The following ERICH1 variants were observed in gnomAD, a reference collection of about 807,000 sequenced individuals.
ERICH1 encodes the protein glutamate rich 1, also known as glutamate-rich protein 1.
A neutral mutation model predicts 39.6 loss-of-function variants in ERICH1; 56 were observed. The observed-to-expected ratio is 1.41, with a 90% CI of 1.14 to 1.77. The LOEUF (loss-of-function observed/expected upper bound fraction) is 1.77. Ranked by LOEUF, ERICH1 falls within the 40% of genes most tolerant of loss-of-function variation. The pLI is 0.00. For synonymous variants in ERICH1, 313 were observed against 223.6 expected (o/e 1.40, Z -3.57); for missense variants, 826 against 575.4 (o/e 1.44, Z -4.45).
chr8:731,196 G>A lies in ERICH1; in HGVS notation c.-35C>T. 3 of 1,469,492 alleles carry A rather than the reference G, an allele frequency of 2.0e-6. No individual in the cohort carries two copies. Among genetic ancestry groups the A allele is most frequent in the Non-Finnish European group, 2.7e-6 (3 of 1,112,856 alleles). The allele number at this position is 1,469,492 out of a possible 1,614,324, so 91.0% of individuals were successfully genotyped here. A position where few individuals can be genotyped will look rare whatever the true frequency, so the allele number is the denominator to read the frequency against. Reference sequence around the variant, plus strand: ...TGCCGCGGACCTCAGACCACGGCGCGCGGTCCTGAGCTGAGCGCCGTGCCT... The same window carrying A: ...TGCCGCGGACCTCAGACCACGGCGCACGGTCCTGAGCTGAGCGCCGTGCCT... On this transcript the variant is annotated 5_prime_UTR_variant, in exon 1 of 6. Coordinates refer to ENST00000262109, the MANE Select transcript of ERICH1 (RefSeq NM_207332.3).
intron 3 of ERICH1, chr8:615,488 T>C: frequency 2.2e-6 from 1 of 459,204 alleles, no homozygotes; most frequent in Non-Finnish European, 3.8e-6. Context: ...CTACGAGGCC[T>C]GGGTGCACTG....
At chr8:694,321 T>C (rs1401703620) in intron 2 of ERICH1, among the ~76,000 whole-genome samples, 1 of 152,268 alleles carries the variant, frequency 6.6e-6, no homozygotes, top group Non-Finnish European at 1.5e-5. Flanking sequence ...AAGTACACTG[T>C]CCCCTACTGG....
At chr8:668,409 G>A (rs879468568) in intron 5 of ERICH1, 189 bp downstream of exon 5, 1 of 630,738 alleles carries the variant, frequency 1.6e-6, no homozygotes, top group Non-Finnish European at 2.8e-6. Context: ...CATATATTAT[G>A]TGAAATATTT....
intron 3 of ERICH1, among the ~76,000 whole-genome samples, chr8:636,904 C>G (rs1417010988): frequency 6.6e-6 from 1 of 152,214 alleles, no homozygotes; most frequent in Non-Finnish European, 1.5e-5. Flanking sequence ...CCACTTTCTG[C>G]AGGGTCGGAG....
intron 3 of ERICH1, among the ~76,000 whole-genome samples, chr8:625,313 T>C (rs116696973): frequency 0.014 from 2,186 of 152,318 alleles, 39 homozygotes; most frequent in African/African-American, 0.05. Context: ...AGCAGTGGTT[T>C]ATGCTGCAGC....
chr8:694,902 G>A (rs1171831184), intron 2 of ERICH1, among the ~76,000 whole-genome samples: 13 of 152,256 alleles, frequency 8.5e-5, no homozygotes, highest in East Asian at 1.9e-4. Context: ...AGAATGCAGC[G>A]TCTGTGAGCA....
chr8:623,922 CT>C (rs942711983), intron 3 of ERICH1, among the ~76,000 whole-genome samples: 6 of 152,096 alleles, frequency 3.9e-5, no homozygotes, highest in African/African-American at 1.4e-4. Context: ...AAAATTAAAA[CT>C]TTTTTGTTGC....
chr8:702,665 G>C (rs1330146049), intron 2 of ERICH1, among the ~76,000 whole-genome samples: 1 of 152,258 alleles, frequency 6.6e-6, no homozygotes, highest in Non-Finnish European at 1.5e-5. Flanking sequence ...TCAGCACCAG[G>C]TTCCGTGACA....
Position 673,616 on chromosome 8 carries a change from T to TG in ERICH1, c.735dup (p.Arg246GlnfsTer10). 3.2e-6 allele frequency: 5 copies of TG among 1,546,776 alleles called. No homozygotes were observed. Among genetic ancestry groups the TG allele is most frequent in the Non-Finnish European group, 4.4e-6 (5 of 1,126,324 alleles). On this transcript the variant is annotated frameshift_variant, in exon 4 of 6. Transcript: ENST00000262109. LOFTEE classifies it high-confidence loss of function. ...CTGGCGTCCGCACCCTCTTCCTGCC[T>TG]GGCCCGTGTCAGGTCTTCCTCGCTA...
At chr8:700,538 A>C (rs1418362588) in intron 2 of ERICH1, among the ~76,000 whole-genome samples, 7 of 144,618 alleles carry the variant, frequency 4.8e-5, no homozygotes, top group Admixed American at 2.1e-4. Context: ...GCACAGGCGC[A>C]CAGGCCCGCA....
intron 3 of ERICH1, among the ~76,000 whole-genome samples, chr8:617,910 T>TGTC: frequency 7.0e-6 from 1 of 141,898 alleles, no homozygotes; most frequent in East Asian, 2.1e-4. Flanking sequence ...ACTTGGTCCA[T>TGTC]CTCACTGCCC....
rs374031788 is a variant in ERICH1, at chr8:671,632, TC to T, written c.1063+1656del. Among the ~76,000 whole-genome samples the T allele has an allele frequency of 2.1e-3, 311 of 145,246 alleles. 1 individual carries two copies. The highest frequency in any genetic ancestry group is 7.6e-3 in the African/African-American group (293 of 38,520). ...CTGCTCCGACCACTGAGCGCACTGG[TC>T]CCCAGGCTCCGACCTCTGAACCTGC... On this transcript the variant is annotated intron_variant, in intron 4 of 5. Transcript: ENST00000262109.
At chr8:693,748 G>A (rs1255059931) in intron 2 of ERICH1, among the ~76,000 whole-genome samples, 1 of 151,542 alleles carries the variant, frequency 6.6e-6, no homozygotes, top group Non-Finnish European at 1.5e-5. Context: ...GTGCCCCTCT[G>A]CGCACGGGAC....
chr8:672,200 C>T (rs1031834878), intron 4 of ERICH1: 1 of 152,372 alleles, frequency 6.6e-6, no homozygotes, highest in African/African-American at 2.4e-5. Flanking sequence ...TTGGTCTGCC[C>T]CAAGCTGCTC....
At chr8:638,771 C>T (rs541048755) in intron 3 of ERICH1, among the ~76,000 whole-genome samples, 1 of 152,236 alleles carries the variant, frequency 6.6e-6, no homozygotes, top group South Asian at 2.1e-4. Flanking sequence ...TCCACCCTTT[C>T]GTTGCGTCAG....
At chr8:697,787 G>A (rs1256697569) in intron 2 of ERICH1, among the ~76,000 whole-genome samples, 3 of 152,182 alleles carry the variant, frequency 2.0e-5, no homozygotes, top group Non-Finnish European at 4.4e-5. Flanking sequence ...GCAGATTCGG[G>A]ACATGCAGCA....
intron 3 of ERICH1, among the ~76,000 whole-genome samples, chr8:638,037 T>C (rs970009536): frequency 1.3e-5 from 2 of 152,226 alleles, no homozygotes. Context: ...ATAATGACTT[T>C]ACACAGAAGC....
At chr8:699,967 G>C (rs1811482531) in intron 2 of ERICH1, among the ~76,000 whole-genome samples, 1 of 133,830 alleles carries the variant, frequency 7.5e-6, no homozygotes, top group Non-Finnish European at 1.6e-5. Flanking sequence ...CCGCACACGC[G>C]CACAGACCCG....
At position 673,156 on chromosome 8, in the gene ERICH1, G is replaced by C. The variant is rs6559065; in HGVS notation, c.1063+133C>G. ...CATTGAATATTTTTTACTTATATTAGTTGCCTTACAACTAATTATTTTACA... is the reference window on the plus strand; with the variant it reads ...CATTGAATATTTTTTACTTATATTACTTGCCTTACAACTAATTATTTTACA... On this transcript the variant is annotated intron_variant, in intron 4 of 5. Transcript: ENST00000262109. The C allele has an allele frequency of 0.91, 1,003,687 of 1,107,044 alleles. 455,404 individuals are homozygous for C. Among genetic ancestry groups the C allele is most frequent in the South Asian group, 0.94 (55,936 of 59,286 alleles). 68.6% of individuals were successfully genotyped at this position (1,107,044 alleles called of 1,614,324 possible). A position where few individuals can be genotyped will look rare whatever the true frequency, so the allele number is the denominator to read the frequency against.
Sources: allele counts gnomAD v4.1 joint callset (sites outside exome capture counted in the v4.1 genomes callset), GRCh38; gene constraint gnomAD v4.1.1; transcripts MANE v1.5; gene names NCBI Gene and HGNC (gene_info 2026-07-23, HGNC 2026-07-21).